Variants in PTPRZ1 observed in about 807,000 individuals in gnomAD.
PTPRZ1 encodes receptor-type tyrosine-protein phosphatase zeta.
Under a neutral mutation model 214.1 loss-of-function variants are expected in PTPRZ1, and 82 were observed. That is an observed-to-expected ratio of 0.38 (90% CI 0.32 to 0.46). The LOEUF (loss-of-function observed/expected upper bound fraction) is 0.46. PTPRZ1 is among the 20% of genes least tolerant of loss of function. PTPRZ1 has a pLI of 1.00. For missense variants in PTPRZ1, 2,603 were observed against 2,748.7 expected (o/e 0.95, Z 1.19); for synonymous variants, 945 against 987.9 (o/e 0.96, Z 0.81).
rs751719430 is a variant in PTPRZ1 at position 122,010,940 on chromosome 7, G to A, written c.1894G>A (p.Glu632Lys). 31 of 1,613,924 alleles carry A rather than the reference G, an allele frequency of 1.9e-5. No homozygotes were observed. The highest frequency in any genetic ancestry group is 1.6e-4 in the Middle Eastern group (1 of 6,084). The change falls in exon 12 of 30, where the codon GAA becomes AAA. Residue 632 changes from glutamate (E) to lysine (K), a missense_variant. Around this residue, in one of 6 missense-constraint regions of PTPRZ1, gnomAD observed 1,913 missense variants for 1,914.3 expected, o/e 1.00. Transcript: ENST00000393386. ...LIPESARNAS[E>K]DSTSSGSEES... is the part of the protein sequence containing the mutation. ...ACCAGAATCTGCTAGAAATGCTTCC[G>A]AAGATTCAACTTCATCAGGTTCAGA...
chr7:121,873,377 C>A lies in PTPRZ1; in HGVS notation c.-123C>A. The A allele has an allele frequency of 1.1e-6, 1 of 901,526 alleles. No homozygotes were observed. Among genetic ancestry groups the A allele is most frequent in the Non-Finnish European group, 1.7e-6 (1 of 585,140 alleles). 55.8% of individuals were successfully genotyped at this position (901,526 alleles called of 1,614,324 possible). A position where few individuals can be genotyped will look rare whatever the true frequency, so the allele number is the denominator to read the frequency against. ...ACACACATACGCACGCACGATCTCA[C>A]TTCGATCTATACACTGGAGGATTAA... On this transcript the variant is annotated 5_prime_UTR_variant, in exon 1 of 30. Transcript: ENST00000393386.
intron 23 of PTPRZ1, among the ~76,000 whole-genome samples, chr7:122,051,197 TA>T (rs1295539683): frequency 2.0e-5 from 3 of 152,186 alleles, no homozygotes; most frequent in Non-Finnish European, 2.9e-5. Context: ...AAAGAATTAC[TA>T]GAGATTTCTT....
intron 10 of PTPRZ1, among the ~76,000 whole-genome samples, chr7:122,000,696 TA>T (rs1202922481): frequency 9.8e-6 from 1 of 101,596 alleles, no homozygotes; most frequent in African/African-American, 3.7e-5. Flanking sequence ...TATATATATA[TA>T]TATATTTGAG....
chr7:121,992,127 C>A (rs1797985629), intron 8 of PTPRZ1, among the ~76,000 whole-genome samples: 1 of 151,900 alleles, frequency 6.6e-6, no homozygotes. Flanking sequence ...GTAATTATGA[C>A]ATTTTCTCTG....
chr7:122,052,034 A>C lies in PTPRZ1; in HGVS notation c.6252+95A>C, dbSNP rs928633686. Reference sequence around the variant, plus strand: ...AGAAGCAAAGACTACAGGCATGGGCAAATGAGTGGTAAATTTAAGTTAAAT... The same window carrying C: ...AGAAGCAAAGACTACAGGCATGGGCCAATGAGTGGTAAATTTAAGTTAAAT... On this transcript the variant is annotated intron_variant, in intron 25 of 29. Transcript: ENST00000393386. 3 of 893,700 alleles carry C rather than the reference A, an allele frequency of 3.4e-6. No homozygotes were observed. The African/African-American group carries it at 5.3e-5, about 16-fold the overall frequency. The allele number at this position is 893,700 out of a possible 1,614,324, so 55.4% of individuals were successfully genotyped here. A position where few individuals can be genotyped will look rare whatever the true frequency, so the allele number is the denominator to read the frequency against.
Position 122,029,279 on chromosome 7 carries a change from A to G in PTPRZ1, c.5080+636A>G, listed in dbSNP as rs73440946. On this transcript the variant is annotated intron_variant, in intron 14 of 29. Coordinates refer to ENST00000393386, the MANE Select transcript of PTPRZ1 (RefSeq NM_002851.3). ...TAATTTATCTGAATAACAGTATTCA[A>G]AGGTAGCCAGGGTCATTTTGATAGA... 3.8e-3 allele frequency among the ~76,000 whole-genome samples: 576 copies of G among 152,146 alleles called. 4 individuals carry two copies. The highest frequency in any genetic ancestry group is 0.013 in the African/African-American group (545 of 41,554).
At chr7:121,931,668 C>T (rs1470635876) in intron 2 of PTPRZ1, among the ~76,000 whole-genome samples, 1 of 152,088 alleles carries the variant, frequency 6.6e-6, no homozygotes, top group Non-Finnish European at 1.5e-5. Flanking sequence ...ATGATAGCAA[C>T]AGCACATACC....
At chr7:122,029,111 C>T (rs1216760105) in intron 14 of PTPRZ1, among the ~76,000 whole-genome samples, 3 of 149,080 alleles carry the variant, frequency 2.0e-5, no homozygotes, top group African/African-American at 7.4e-5. Context: ...TTTTTTTTAA[C>T]CTACATTAGA....
rs1799125121 is a variant in PTPRZ1, at chr7:122,023,852, A to ATTATATATATAT, written c.4988+4584_4988+4585insTTATATATATAT. On this transcript the variant is annotated intron_variant, in intron 13 of 29. Coordinates refer to ENST00000393386, the MANE Select transcript of PTPRZ1 (RefSeq NM_002851.3). ...TTTTATATATAATTATATATATATA[A>ATTATATATATAT]AAAAAAAAAAGATTGTAGCCAGACC... Among the ~76,000 whole-genome samples, 7 of 21,490 alleles carry ATTATATATATAT rather than the reference A, an allele frequency of 3.3e-4. No individual in the cohort carries two copies. In the South Asian group the frequency reaches 4.6e-3, roughly 14 times the overall value. 14.1% of individuals were successfully genotyped at this position (21,490 alleles called of 152,430 possible).
intron 2 of PTPRZ1, among the ~76,000 whole-genome samples, chr7:121,957,765 A>G (rs1376458301): frequency 6.6e-6 from 1 of 152,188 alleles, no homozygotes; most frequent in Non-Finnish European, 1.5e-5. Flanking sequence ...AGCTCATGTT[A>G]GTTCAACTGC....
chr7:122,040,768 G>GTT (rs1326157401), intron 20 of PTPRZ1, 48 bp from the exon 21 acceptor site: 1 of 1,035,790 alleles, frequency 9.7e-7, no homozygotes, highest in African/African-American at 1.6e-5. Context: ...GTGTGTGTGT[G>GTT]TGTGTGTGTG....
chr7:122,047,164 A>G (rs1230114000), intron 23 of PTPRZ1, among the ~76,000 whole-genome samples: 1 of 152,232 alleles, frequency 6.6e-6, no homozygotes, highest in African/African-American at 2.4e-5. Context: ...GACAGAAGTC[A>G]TTGATGACCT....
chr7:122,058,893 A>T lies in PTPRZ1; in HGVS notation c.6622A>T (p.Ile2208Leu). 1 of 1,593,040 alleles carries T rather than the reference A, an allele frequency of 6.3e-7. No homozygotes were observed. The highest frequency in any genetic ancestry group is 2.2e-5 in the East Asian group (1 of 44,742). ...ISKTFELISVIKEEAANRDGP... is the reference protein window; with the variant it reads ...ISKTFELISVLKEEAANRDGP... ...TAAAACTTTTGAACTTATAAGTGTT[A>T]TAAAAGAAGAAGCTGCCAATAGGGA... The change falls in exon 28 of 30, where the codon ATA becomes TTA. Residue 2208 changes from isoleucine to leucine, a missense_variant. Ile to Leu is a conservative substitution (Grantham distance 5, BLOSUM62 2). This residue lies in a region of PTPRZ1 where 165 missense variants were observed against 151.4 expected (regional missense o/e 1.09). Transcript: ENST00000393386.
chr7:121,885,455 G>A (rs980824855), intron 1 of PTPRZ1, among the ~76,000 whole-genome samples: 3 of 152,146 alleles, frequency 2.0e-5, no homozygotes. Flanking sequence ...AATTAGCCAA[G>A]AGTGGCTAGT....
intron 1 of PTPRZ1, among the ~76,000 whole-genome samples, chr7:121,912,301 T>A (rs1176615839): frequency 2.6e-5 from 4 of 152,212 alleles, no homozygotes; most frequent in African/African-American, 7.2e-5. Flanking sequence ...GGAAACAATA[T>A]AAGAGATGGT....
chr7:122,034,785 C>G (rs1344356016), intron 17 of PTPRZ1, among the ~76,000 whole-genome samples: 1 of 151,980 alleles, frequency 6.6e-6, no homozygotes, highest in Non-Finnish European at 1.5e-5. Context: ...CTACCTTTAC[C>G]TGTTTCCTCC....
chr7:121,965,074 A>C (rs1197482566), intron 2 of PTPRZ1, among the ~76,000 whole-genome samples: 1 of 152,196 alleles, frequency 6.6e-6, no homozygotes, highest in African/African-American at 2.4e-5. Context: ...TTTAAAGTGT[A>C]CTTTAGTTAC....
intron 13 of PTPRZ1, among the ~76,000 whole-genome samples, chr7:122,023,092 A>G (rs1395912094): frequency 6.6e-6 from 1 of 152,210 alleles, no homozygotes; most frequent in Non-Finnish European, 1.5e-5. Context: ...ACATCAGTGT[A>G]AGAACTATAA....
At chr7:121,954,264 A>G (rs551014051) in intron 2 of PTPRZ1, among the ~76,000 whole-genome samples, 3 of 152,246 alleles carry the variant, frequency 2.0e-5, no homozygotes, top group Non-Finnish European at 2.9e-5. Flanking sequence ...AACACCTTCA[A>G]TAGCTTACTG....
Sources: gnomAD v4.1 joint callset for allele counts (sites outside exome capture counted in the v4.1 genomes callset) on GRCh38, gnomAD v4.1.1 for gene constraint, gnomAD v4.1.1 regional missense constraint, MANE v1.5 for transcripts, NCBI Gene and HGNC (gene_info 2026-07-23, HGNC 2026-07-21) for gene names.